SND1: variants seen among roughly 807,000 people sequenced by gnomAD.
The protein encoded by SND1 is staphylococcal nuclease domain-containing protein 1.
Under a neutral mutation model 121.7 loss-of-function variants are expected in SND1, and 38 were observed. That is an observed-to-expected ratio of 0.31 (90% CI 0.24 to 0.41). The LOEUF is 0.41. Ranked by LOEUF, SND1 falls within the 10% of genes least tolerant of loss-of-function variation. The pLI is 1.00. For missense variants in SND1, 868 were observed against 1,184.6 expected, an observed-to-expected ratio of 0.73 and a Z score of 3.92; for synonymous variants, 401 against 447.4, an observed-to-expected ratio of 0.90 and a Z score of 1.31.
chr7:127,853,152 G>C lies in SND1; in HGVS notation c.1343+8728G>C, dbSNP rs200577093. Among the ~76,000 whole-genome samples the C allele has an allele frequency of 2.8e-4, 42 of 152,226 alleles. No homozygotes were observed. The East Asian group carries it at 5.2e-3, about 19-fold the overall frequency. On this transcript the variant is annotated intron_variant, in intron 12 of 23. Transcript: ENST00000354725. ...AATTATAGACCCCACTGAAATTGTC[G>C]AGGGAAAGAGGCTCTCTGGTAGAGA...
chr7:127,720,553 A>G (rs991586849), intron 9 of SND1, among the ~76,000 whole-genome samples: 2 of 152,214 alleles, frequency 1.3e-5, no homozygotes, highest in Non-Finnish European at 2.9e-5. Context: ...ACCTTCACAG[A>G]GGAGTATTTA....
chr7:127,825,380 G>T (rs1330376270), intron 11 of SND1, among the ~76,000 whole-genome samples: 2 of 151,174 alleles, frequency 1.3e-5, no homozygotes, highest in African/African-American at 4.9e-5. Flanking sequence ...AAGTGCTGGG[G>T]TGACAGGCGT....
Position 128,029,993 on chromosome 7 carries a change from G to C in SND1, c.1779+38937G>C. On this transcript the variant is annotated intron_variant, in intron 16 of 23. Coordinates refer to ENST00000354725, the MANE Select transcript of SND1 (RefSeq NM_014390.4). The surrounding 1 kb of genome is among the most constrained non-coding windows in gnomAD (Gnocchi z 4.2). ...TCTCCAGCTCCTCCAGCCCCACCAG[G>C]GGGGTGAGATTGGGCATGTCTTTAA... The C allele has an allele frequency of 6.2e-7, 1 of 1,613,204 alleles. No individual in the cohort carries two copies. The highest frequency in any genetic ancestry group is 8.5e-7 in the Non-Finnish European group (1 of 1,180,034).
intron 14 of SND1, among the ~76,000 whole-genome samples, chr7:127,927,327 T>C (rs189821146): frequency 1.2e-4 from 18 of 152,326 alleles, no homozygotes; most frequent in African/African-American, 4.3e-4. Flanking sequence ...TCTTCTGAGA[T>C]GTTAGGTTGC....
intron 15 of SND1, among the ~76,000 whole-genome samples, chr7:127,952,342 A>G (rs1166123776): frequency 6.6e-6 from 1 of 152,200 alleles, no homozygotes; most frequent in African/African-American, 2.4e-5. Flanking sequence ...CATTTCCGAG[A>G]ATCTCCTGAG....
At chr7:127,924,788 A>G (rs1459891687) in intron 14 of SND1, among the ~76,000 whole-genome samples, 1 of 152,228 alleles carries the variant, frequency 6.6e-6, no homozygotes, top group African/African-American at 2.4e-5. Context: ...TTGTATACAC[A>G]GCAAGGTACT....
At chr7:127,806,743 T>C (rs1314541088) in intron 10 of SND1, among the ~76,000 whole-genome samples, 1 of 152,198 alleles carries the variant, frequency 6.6e-6, no homozygotes, top group Admixed American at 6.5e-5. Context: ...GTGGATCATT[T>C]GAGGTCAGGA....
intron 16 of SND1, among the ~76,000 whole-genome samples, chr7:128,017,879 G>A (rs1242679901): frequency 1.3e-5 from 2 of 152,222 alleles, no homozygotes; most frequent in East Asian, 3.8e-4. Context: ...GCCTTTGTTG[G>A]TCAAGTCCTA....
At chr7:127,931,024 A>G (rs1227649807) in intron 15 of SND1, among the ~76,000 whole-genome samples, 1 of 152,112 alleles carries the variant, frequency 6.6e-6, no homozygotes, top group East Asian at 1.9e-4. Flanking sequence ...TATTATTTCA[A>G]TTGTTTCGGG....
At chr7:127,756,153 G>C (rs1269760160) in intron 10 of SND1, among the ~76,000 whole-genome samples, 1 of 152,218 alleles carries the variant, frequency 6.6e-6, no homozygotes, top group African/African-American at 2.4e-5. Flanking sequence ...AATTACGCTA[G>C]AGGAGCTTTT....
intron 14 of SND1, among the ~76,000 whole-genome samples, chr7:127,911,647 G>GAGT (rs752443754): frequency 6.6e-6 from 1 of 152,114 alleles, no homozygotes; most frequent in Non-Finnish European, 1.5e-5. Context: ...TCAGCCTCCT[G>GAGT]AGTAGCTGGG....
chr7:127,952,425 A>T (rs536854490), intron 15 of SND1, among the ~76,000 whole-genome samples: 27 of 152,360 alleles, frequency 1.8e-4, no homozygotes, highest in Admixed American at 9.1e-4. Flanking sequence ...GGCAGGCAAC[A>T]ACCACAGAGG....
intron 10 of SND1, among the ~76,000 whole-genome samples, chr7:127,796,943 A>G (rs559955251): frequency 1.6e-5 from 2 of 123,520 alleles, no homozygotes; most frequent in African/African-American, 6.2e-5. Context: ...CCCAGGCTGG[A>G]GTGCAGTGGC....
chr7:127,654,377 G>A (rs1351155552), intron 1 of SND1, among the ~76,000 whole-genome samples: 1 of 152,178 alleles, frequency 6.6e-6, no homozygotes, highest in East Asian at 1.9e-4. Flanking sequence ...CCAAGGACAG[G>A]TACCTTATAT....
chr7:128,043,217 C>T (rs190184351), intron 16 of SND1, among the ~76,000 whole-genome samples: 1 of 152,278 alleles, frequency 6.6e-6, no homozygotes, highest in African/African-American at 2.4e-5. Flanking sequence ...TCTCATATTT[C>T]AGTGATGCTG....
intron 10 of SND1, among the ~76,000 whole-genome samples, chr7:127,743,252 A>G (rs1392519675): frequency 6.6e-6 from 1 of 152,236 alleles, no homozygotes; most frequent in Admixed American, 6.5e-5. Context: ...CATTAGGTAC[A>G]TGTTTGAATG....
rs947507549 is a variant in SND1, at chr7:128,052,838, T to G, written c.1780-21664T>G. On this transcript the variant is annotated intron_variant, in intron 16 of 23. Coordinates refer to ENST00000354725, the MANE Select transcript of SND1 (RefSeq NM_014390.4). This position sits in a 1 kb window ranked among gnomAD's most constrained non-coding sequence, Gnocchi z 4.6. ...TGGGTCCCTTGGGGCAGAAAAATTATAGTTAAGAAAATTATGTGAAAAGAC... is the reference window on the plus strand; with the variant it reads ...TGGGTCCCTTGGGGCAGAAAAATTAGAGTTAAGAAAATTATGTGAAAAGAC... Among the ~76,000 whole-genome samples the G allele has an allele frequency of 2.0e-5, 3 of 152,238 alleles. No homozygotes were observed. The highest frequency in any genetic ancestry group is 7.2e-5 in the African/African-American group (3 of 41,456).
chr7:128,075,945 A>G (rs1471063587), intron 17 of SND1, among the ~76,000 whole-genome samples: 1 of 151,958 alleles, frequency 6.6e-6, no homozygotes, highest in Non-Finnish European at 1.5e-5. Flanking sequence ...CTGCAGGGAG[A>G]GGGGGGGAGG....
At chr7:128,028,643 T>C (rs946566491) in intron 16 of SND1, 1 of 1,575,590 alleles carries the variant, frequency 6.3e-7, no homozygotes, top group Non-Finnish European at 8.6e-7. Context: ...TTGTGTGCAT[T>C]CTATTGCATT....
Sources: allele counts gnomAD v4.1 joint callset (sites outside exome capture counted in the v4.1 genomes callset), GRCh38; gene constraint gnomAD v4.1.1; non-coding constraint Gnocchi (gnomAD v3.1); transcripts MANE v1.5; gene names NCBI Gene and HGNC (gene_info 2026-07-23, HGNC 2026-07-21).